MAN2B1: variants seen among roughly 807,000 people sequenced by gnomAD.
MAN2B1 encodes the protein mannosidase alpha class 2B member 1.
A neutral mutation model predicts 127.5 loss-of-function variants in MAN2B1; 99 were observed. That is an observed-to-expected ratio of 0.78 (90% CI 0.66 to 0.92). The LOEUF (loss-of-function observed/expected upper bound fraction) is 0.92. MAN2B1 is among the 40% of genes least tolerant of loss of function. The pLI is 0.00. For synonymous variants in MAN2B1, 573 were observed against 568.8 expected, an observed-to-expected ratio of 1.01 and a Z score of -0.11; for missense variants, 1,304 against 1,384.8, an observed-to-expected ratio of 0.94 and a Z score of 0.93.
chr19:12,660,481 G>A lies in MAN2B1; in HGVS notation c.1026+779C>T, dbSNP rs565182137. Among the ~76,000 whole-genome samples the A allele has an allele frequency of 9.2e-4, 140 of 152,246 alleles. 1 individual carries two copies. Among genetic ancestry groups the A allele is most frequent in the African/African-American group, 3.1e-3 (128 of 41,548 alleles). On this transcript the variant is annotated intron_variant, in intron 7 of 23. Transcript: ENST00000456935. ...CACGCCACTGCACTCCAGCCTGGGC[G>A]ACAGAGCGAGACTCCGTCTCTAAGT...
At chr19:12,651,065 G>A (rs907672174) in intron 16 of MAN2B1, among the ~76,000 whole-genome samples, 5 of 149,714 alleles carry the variant, frequency 3.3e-5, no homozygotes, top group South Asian at 2.1e-4. Context: ...TATGCTCAGC[G>A]ATCCTCCTGC....
Position 12,656,707 on chromosome 19 carries a change from A to G in MAN2B1, c.1528-20T>C, listed in dbSNP as rs750256820. ...CTGGAACTGGGGAGGCGGGGGTCAG[A>G]GAGGGCATGGGTCACAGCAGGCCTT... On this transcript the variant is annotated intron_variant, in intron 12 of 23. Transcript: ENST00000456935. 1 of 1,542,570 alleles carries G rather than the reference A, an allele frequency of 6.5e-7. No homozygotes were observed. Among genetic ancestry groups the G allele is most frequent in the Non-Finnish European group, 9.0e-7 (1 of 1,114,786 alleles).
chr19:12,664,484 C>A (rs1219833842), intron 4 of MAN2B1, among the ~76,000 whole-genome samples: 1 of 152,206 alleles, frequency 6.6e-6, no homozygotes, highest in African/African-American at 2.4e-5. Context: ...GCCTAGGCAT[C>A]CACTTGCCAC....
intron 7 of MAN2B1, among the ~76,000 whole-genome samples, chr19:12,659,916 G>A (rs907309310): frequency 1.3e-5 from 2 of 152,116 alleles, no homozygotes; most frequent in Non-Finnish European, 2.9e-5. Flanking sequence ...TGCTGGGAGC[G>A]AGTGGAAGGT....
chr19:12,663,567 A>T, intron 5 of MAN2B1, 105 bp from the exon 6 acceptor site: 1 of 1,560,256 alleles, frequency 6.4e-7, no homozygotes, highest in South Asian at 1.1e-5. Flanking sequence ...TTGTGTCCCA[A>T]TGCAAAAGGA....
intron 7 of MAN2B1, among the ~76,000 whole-genome samples, chr19:12,659,415 C>T (rs543383419): frequency 6.6e-6 from 1 of 151,832 alleles, no homozygotes; most frequent in Admixed American, 6.6e-5. Flanking sequence ...GATTCTCCTG[C>T]CTCAGCCTGC....
At chr19:12,662,417 T>C (rs937992743) in intron 6 of MAN2B1, among the ~76,000 whole-genome samples, 1 of 151,366 alleles carries the variant, frequency 6.6e-6, no homozygotes, top group Non-Finnish European at 1.5e-5. Context: ...GTCAAAAGGT[T>C]AGGAGTTCGA....
rs12984441 is a variant in MAN2B1, at chr19:12,649,473, A to C, written c.2268-45T>G. On this transcript the variant is annotated intron_variant, in intron 18 of 23. Transcript: ENST00000456935. ...GATCAGGCTTGGGATCTGGCTCCCC[A>C]ACTCTTTTTTTTTTTTTTTTTTTTT... 461,506 of 754,860 alleles carry C rather than the reference A, an allele frequency of 0.61. 145,979 individuals carry two copies. The highest frequency in any genetic ancestry group is 0.67 in the Non-Finnish European group (317,862 of 471,774). The allele number at this position is 754,860 out of a possible 1,614,324, so 46.8% of individuals were successfully genotyped here.
chr19:12,656,704 C>G lies in MAN2B1; in HGVS notation c.1528-17G>C. ...GACCTGGAACTGGGGAGGCGGGGGT[C>G]AGAGAGGGCATGGGTCACAGCAGGC... On this transcript the variant is annotated splice_polypyrimidine_tract_variant and intron_variant, in intron 12 of 23. Transcript: ENST00000456935. The G allele has an allele frequency of 6.4e-7, 1 of 1,551,978 alleles. No individual in the cohort carries two copies. Among genetic ancestry groups the G allele is most frequent in the Non-Finnish European group, 8.9e-7 (1 of 1,123,426 alleles).
At position 12,649,233 on chromosome 19, in the gene MAN2B1, G is replaced by A; in HGVS notation, c.2356-17C>T. 1 of 1,612,824 alleles carries A rather than the reference G, an allele frequency of 6.2e-7. No individual in the cohort carries two copies. Among genetic ancestry groups the A allele is most frequent in the Non-Finnish European group, 8.5e-7 (1 of 1,179,066 alleles). On this transcript the variant is annotated splice_polypyrimidine_tract_variant and intron_variant, in intron 19 of 23. Transcript: ENST00000456935. ...GTTTCCATCCTGGGAGTTGAAGGGT[G>A]AAAGTAGAGGGCAGTCAACCCCAAC...
rs763276867 is a variant in MAN2B1, at chr19:12,658,225, T to C, written c.1229A>G (p.Gln410Arg). 1 of 1,614,004 alleles carries C rather than the reference T, an allele frequency of 6.2e-7. No homozygotes were observed. Among genetic ancestry groups the C allele is most frequent in the Non-Finnish European group, 8.5e-7 (1 of 1,179,994 alleles). ...CCCTCTAGCCCGGCTCCTACCCACC[T>C]GCAGGAAGTTGTAGCTGAGGCGCTC... ...RYERLSYNFL[Q>R]VCNQLEALVG... The change falls in exon 9 of 24, where the codon CAG (glutamine) becomes CGG (arginine). Residue 410 changes from glutamine to arginine, a missense_variant and splice_region_variant. Physicochemically the swap from Gln to Arg is conservative, Grantham distance 43. Transcript: ENST00000456935.
intron 16 of MAN2B1, 63 bp from the exon 17 acceptor site, chr19:12,650,285 G>C: frequency 4.8e-6 from 5 of 1,044,504 alleles, no homozygotes. Flanking sequence ...TCCTACAAAT[G>C]TCCCCCAACC....
In MAN2B1 at chr19:12,648,182, C is replaced by T. The variant is rs1240726971; in HGVS notation, c.2657G>A (p.Arg886His). 2.6e-6 allele frequency: 4 copies of T among 1,537,632 alleles called. No individual in the cohort carries two copies. Among genetic ancestry groups the T allele is most frequent in the Non-Finnish European group, 3.5e-6 (4 of 1,147,524 alleles). ...TACCCCGCTGCCCCTCACCTGCGTG[C>T]GCGGAGGAGCCCCGAGATTGTAGGC... is the stretch of plus-strand genomic sequence containing the variant. ...GAAYNLGAPPRTQFSGLRRDL... is the reference protein window; with the variant it reads ...GAAYNLGAPPHTQFSGLRRDL... The change falls in exon 21 of 24, where the codon CGC becomes CAC. Residue 886 changes from arginine (R) to histidine (H), a missense_variant. Physicochemically the swap from Arg to His is conservative, Grantham distance 29. Coordinates refer to ENST00000456935, the MANE Select transcript of MAN2B1 (RefSeq NM_000528.4).
In MAN2B1 at chr19:12,647,396, T is replaced by A; in HGVS notation, c.2820+47A>T. 1 of 1,612,400 alleles carries A rather than the reference T, an allele frequency of 6.2e-7. No homozygotes were observed. Among genetic ancestry groups the A allele is most frequent in the South Asian group, 1.1e-5 (1 of 91,026 alleles). ...CAAAGCCAGGTTTCTCTTCTCTCCC[T>A]CTCTCTTGCCTCTCTCCGATCTCCT... On this transcript the variant is annotated intron_variant, in intron 22 of 23. Transcript: ENST00000456935. This position sits in a 1 kb window ranked among gnomAD's most constrained non-coding sequence, Gnocchi z 4.9.
intron 6 of MAN2B1, among the ~76,000 whole-genome samples, chr19:12,661,892 T>C (rs1224725988): frequency 6.6e-6 from 1 of 151,810 alleles, no homozygotes; most frequent in African/African-American, 2.4e-5. Flanking sequence ...CTGCCCAAGC[T>C]AGAGTGAAGT....
chr19:12,656,687 A>T lies in MAN2B1; in HGVS notation c.1528T>A (p.Phe510Ile), dbSNP rs1237063555. ...AGGGGATTATAAACGATGACCTGGA[A>T]CTGGGGAGGCGGGGGTCAGAGAGGG... ...ICPLSQTAARFQVIVYNPLGR... is the reference protein window; with the variant it reads ...ICPLSQTAARIQVIVYNPLGR... Residue 510 changes from phenylalanine to isoleucine, a missense_variant and splice_region_variant, in exon 13 of 24, where the codon TTC becomes ATC. Transcript: ENST00000456935. 1.9e-6 allele frequency: 3 copies of T among 1,605,198 alleles called. No individual in the cohort carries two copies. Among genetic ancestry groups the T allele is most frequent in the Non-Finnish European group, 2.6e-6 (3 of 1,172,120 alleles).
Position 12,652,237 on chromosome 19 carries a change from G to A in MAN2B1, c.1962C>T (p.Asp654=). The A allele has an allele frequency of 6.2e-7, 1 of 1,614,140 alleles. No individual in the cohort carries two copies. Among genetic ancestry groups the A allele is most frequent in the Middle Eastern group, 1.6e-4 (1 of 6,062 alleles). Residue 654 remains aspartate, a synonymous_variant, in exon 16 of 24, where the codon GAC becomes GAT. Coordinates refer to ENST00000456935, the MANE Select transcript of MAN2B1 (RefSeq NM_000528.4). Reference sequence around the variant, plus strand: ...TGAAGATGTAGGCACCTGAGGCCTGGTCACTTTCGTTGTCACCTATACTGG... The same window carrying A: ...TGAAGATGTAGGCACCTGAGGCCTGATCACTTTCGTTGTCACCTATACTGG... The part of the protein sequence containing the change: ...YNASIGDNES[D]QASGAYIFRP...
rs1219698694 is a variant in MAN2B1, at chr19:12,663,690, C to G, written c.763+13G>C. The stretch of plus-strand genomic sequence containing the variant: ...GGCACCATGGCTGGCCCTGCCCTCA[C>G]CAAGCCCCCTACCAGTGAAGAGGTC... On this transcript the variant is annotated intron_variant, in intron 5 of 23. Coordinates refer to ENST00000456935, the MANE Select transcript of MAN2B1 (RefSeq NM_000528.4). 6.2e-7 allele frequency: 1 copy of G among 1,603,836 alleles called. No individual in the cohort carries two copies.
chr19:12,663,637 A>G lies in MAN2B1; in HGVS notation c.763+66T>C, dbSNP rs1243109071. On this transcript the variant is annotated intron_variant, in intron 5 of 23. Coordinates refer to ENST00000456935, the MANE Select transcript of MAN2B1 (RefSeq NM_000528.4). ...CCAGGACAGTGACAACAGAGCAGAT[A>G]TCAAGCCCAGGGCCCTTCTGAGTGT... is the stretch of plus-strand genomic sequence containing the variant. The G allele has an allele frequency of 5.1e-6, 8 of 1,561,270 alleles. No individual in the cohort carries two copies. The African/African-American group carries it at 8.2e-5, about 16-fold the overall frequency.
Sources: allele counts gnomAD v4.1 joint callset (sites outside exome capture counted in the v4.1 genomes callset), GRCh38; gene constraint gnomAD v4.1.1; non-coding constraint Gnocchi (gnomAD v3.1); transcripts MANE v1.5; gene names NCBI Gene and HGNC (gene_info 2026-07-23, HGNC 2026-07-21).